C8orf34: variants seen among roughly 807,000 people sequenced by gnomAD.
The protein encoded by C8orf34 is chromosome 8 open reading frame 34, also known as uncharacterized protein C8orf34.
C8orf34 carries 65 observed loss-of-function variants against 68.3 expected under a neutral mutation model. That is an observed-to-expected ratio of 0.95 (90% CI 0.78 to 1.17). The LOEUF (loss-of-function observed/expected upper bound fraction) is 1.17. Among genes scored for constraint, C8orf34 ranks in the 50% most tolerant of loss-of-function variants. The pLI is 0.00. For missense variants in C8orf34, 664 were observed against 655.4 expected (o/e 1.01, Z -0.14); for synonymous variants, 244 against 241.2 (o/e 1.01, Z -0.11).
At chr8:68,536,243 T>C (rs868273505) in intron 7 of C8orf34, among the ~76,000 whole-genome samples, 15 of 150,346 alleles carry the variant, frequency 1.0e-4, no homozygotes, top group Middle Eastern at 7.0e-3. Context: ...TAGTCAAGTG[T>C]GGTTGCATGC....
chr8:68,439,991 A>G (rs907476730), intron 2 of C8orf34, among the ~76,000 whole-genome samples: 6 of 152,200 alleles, frequency 3.9e-5, no homozygotes, highest in African/African-American at 1.4e-4. Flanking sequence ...ATCTATATAG[A>G]AAGACAATAG....
At chr8:68,649,646 C>T (rs1331772868) in intron 8 of C8orf34, among the ~76,000 whole-genome samples, 2 of 152,146 alleles carry the variant, frequency 1.3e-5, no homozygotes, top group Non-Finnish European at 2.9e-5. Context: ...GCTTGTAAAT[C>T]AATGCAAAAT....
chr8:68,749,438 C>T (rs1206012769), intron 10 of C8orf34, among the ~76,000 whole-genome samples: 1 of 151,816 alleles, frequency 6.6e-6, no homozygotes, highest in Non-Finnish European at 1.5e-5. Context: ...AAATAGAAAG[C>T]ACAAAATAAA....
chr8:68,448,784 A>T (rs965364323), intron 3 of C8orf34, among the ~76,000 whole-genome samples: 1 of 152,122 alleles, frequency 6.6e-6, no homozygotes, highest in Admixed American at 6.6e-5. Flanking sequence ...TTTTTAAAAT[A>T]TAAGAAACAT....
chr8:68,593,335 A>T (rs4344057), intron 7 of C8orf34, among the ~76,000 whole-genome samples: 22,833 of 152,028 alleles, frequency 0.15, 2,479 homozygotes, highest in African/African-American at 0.31. Context: ...AAGATTGTAC[A>T]TTTGACACTG....
At chr8:68,625,752 C>G in intron 7 of C8orf34, 1 of 502,262 alleles carries the variant, frequency 2.0e-6, no homozygotes. Context: ...TAGTATATGG[C>G]CAGCAAGGGT....
intron 1 of C8orf34, among the ~76,000 whole-genome samples, chr8:68,378,529 T>G (rs1807901101): frequency 6.6e-6 from 1 of 152,150 alleles, no homozygotes; most frequent in South Asian, 2.1e-4. Flanking sequence ...CTCAACTGAT[T>G]CTCCTGCCTC....
At position 68,597,612 on chromosome 8, in the gene C8orf34, A is replaced by G. The variant is rs1288556664; in HGVS notation, c.1106-42764A>G. 3.3e-5 allele frequency among the ~76,000 whole-genome samples: 5 copies of G among 151,848 alleles called. No individual in the cohort carries two copies. In the East Asian group the frequency reaches 7.8e-4, roughly 24 times the overall value. On this transcript the variant is annotated intron_variant, in intron 7 of 13. Transcript: ENST00000518698. ...TGTGTGTGTGTGTGTGCACGGACGA[A>G]GGAAATTTAAGTGGGTTATTTCCCT...
intron 9 of C8orf34, among the ~76,000 whole-genome samples, chr8:68,712,721 A>G (rs1821360017): frequency 6.6e-6 from 1 of 152,140 alleles, no homozygotes; most frequent in Non-Finnish European, 1.5e-5. Context: ...AAGAAATGAG[A>G]CAGATAGCAA....
At chr8:68,658,821 C>T (rs922821533) in intron 8 of C8orf34, among the ~76,000 whole-genome samples, 1 of 152,066 alleles carries the variant, frequency 6.6e-6, no homozygotes, top group Admixed American at 6.6e-5. Context: ...TTGTTTTCCC[C>T]ATGCAATACC....
intron 12 of C8orf34, among the ~76,000 whole-genome samples, chr8:68,794,506 T>TATATATATATAAATATATATATATATA (rs58048066): frequency 1.7e-5 from 1 of 59,018 alleles, no homozygotes; most frequent in Non-Finnish European, 3.0e-5. Context: ...TATATATATA[T>TATATATATATAAATATATATATATATA]TTTTTTTTTT....
intron 4 of C8orf34, 123 bp from the exon 5 acceptor site, chr8:68,487,900 A>C: frequency 1.6e-6 from 1 of 620,646 alleles, no homozygotes; most frequent in South Asian, 2.0e-5. Context: ...TGAAGCACTA[A>C]TAAAAAGAAA....
intron 7 of C8orf34, among the ~76,000 whole-genome samples, chr8:68,591,148 A>G (rs1049446262): frequency 1.3e-5 from 2 of 152,150 alleles, no homozygotes; most frequent in African/African-American, 4.8e-5. Context: ...ATAAGCTGAG[A>G]TATGGCATGA....
intron 7 of C8orf34, among the ~76,000 whole-genome samples, chr8:68,581,282 A>G (rs1334033477): frequency 6.6e-6 from 1 of 152,064 alleles, no homozygotes; most frequent in Non-Finnish European, 1.5e-5. Flanking sequence ...AGCAAGGCCT[A>G]TTTGTTTACA....
rs539363807 is a variant in C8orf34, at chr8:68,505,729, C to A, written c.766-16070C>A. Among the ~76,000 whole-genome samples the A allele has an allele frequency of 1.3e-4, 11 of 87,142 alleles. 1 individual carries two copies. Among genetic ancestry groups the A allele is most frequent in the Non-Finnish European group, 1.9e-4 (10 of 51,794 alleles). The allele number at this position is 87,142 out of a possible 152,430, so 57.2% of individuals were successfully genotyped here. The stretch of plus-strand genomic sequence containing the variant: ...GTCCGGCCTGGGCGACAGAGCGAGA[C>A]TCCGTCTCCAAAAAAAAAAAAAAAA... On this transcript the variant is annotated intron_variant, in intron 5 of 13. Transcript: ENST00000518698.
At chr8:68,700,996 A>G (rs1820999497) in intron 8 of C8orf34, among the ~76,000 whole-genome samples, 1 of 152,188 alleles carries the variant, frequency 6.6e-6, no homozygotes, top group Admixed American at 6.5e-5. Context: ...CCTTTGAAGC[A>G]AATGGCTCAA....
chr8:68,406,763 G>A (rs1287441330), intron 1 of C8orf34, among the ~76,000 whole-genome samples: 1 of 152,106 alleles, frequency 6.6e-6, no homozygotes, highest in East Asian at 1.9e-4. Flanking sequence ...CCAAATTGCT[G>A]GGATTACAGG....
intron 1 of C8orf34, among the ~76,000 whole-genome samples, chr8:68,430,625 T>G (rs1810415516): frequency 6.6e-6 from 1 of 152,148 alleles, no homozygotes; most frequent in African/African-American, 2.4e-5. Flanking sequence ...TAGTTTTTGA[T>G]GCTGGATGCA....
rs16934485 is a variant in C8orf34 at position 68,360,458 on chromosome 8, T to C, written c.327+29119T>C. Among the ~76,000 whole-genome samples, 1,325 of 152,338 alleles carry C rather than the reference T, an allele frequency of 8.7e-3. 22 individuals carry two copies. Among genetic ancestry groups the C allele is most frequent in the African/African-American group, 0.03 (1,250 of 41,574 alleles). Reference sequence around the variant, plus strand: ...ACTTGTAGACAAAATGCAGAGTTCATGTAAATTTTAAAGATAATCAAACTT... The same window carrying C: ...ACTTGTAGACAAAATGCAGAGTTCACGTAAATTTTAAAGATAATCAAACTT... On this transcript the variant is annotated intron_variant, in intron 1 of 13. Transcript: ENST00000518698.
Sources: gnomAD v4.1 joint callset for allele counts (sites outside exome capture counted in the v4.1 genomes callset) on GRCh38, gnomAD v4.1.1 for gene constraint, MANE v1.5 for transcripts, NCBI Gene and HGNC (gene_info 2026-07-23, HGNC 2026-07-21) for gene names.